The following TESC variants were observed in gnomAD, a reference collection of about 807,000 sequenced individuals.
The protein encoded by TESC is tescalcin, also known as calcineurin B homologous protein 3.
Under a neutral mutation model 31.0 loss-of-function variants are expected in TESC, and 19 were observed. That is an observed-to-expected ratio of 0.61 (90% confidence interval 0.43 to 0.90). The LOEUF is 0.90. TESC is among the 40% of genes least tolerant of loss of function. The probability of loss-of-function intolerance (pLI) is 0.00; values close to 1 mark genes in which losing one functional copy is unlikely to be tolerated. For missense variants in TESC, 248 were observed against 303.8 expected, an observed-to-expected ratio of 0.82 and a Z score of 1.36; for synonymous variants, 109 against 114.8, an observed-to-expected ratio of 0.95 and a Z score of 0.32.
chr12:117,092,293 G>C (rs1955323027), intron 1 of TESC, among the ~76,000 whole-genome samples: 1 of 152,204 alleles, frequency 6.6e-6, no homozygotes, highest in Non-Finnish European at 1.5e-5. Flanking sequence ...CAGTGCACAT[G>C]GAACGCCATC....
chr12:117,094,002 A>G (rs1051526818), intron 1 of TESC, among the ~76,000 whole-genome samples: 3 of 152,032 alleles, frequency 2.0e-5, no homozygotes, highest in Non-Finnish European at 2.9e-5. Flanking sequence ...TCAGGTGAAT[A>G]ATTCCCAAGA....
intron 1 of TESC, among the ~76,000 whole-genome samples, chr12:117,088,500 G>A (rs1955252135): frequency 6.6e-6 from 1 of 152,098 alleles, no homozygotes; most frequent in South Asian, 2.1e-4. Flanking sequence ...GGCCAACATG[G>A]CAAAACCCCG....
intron 1 of TESC, among the ~76,000 whole-genome samples, chr12:117,077,793 G>C (rs1955093403): frequency 6.6e-6 from 1 of 152,190 alleles, no homozygotes; most frequent in African/African-American, 2.4e-5. Context: ...ATGAGGAGGA[G>C]TAACTTGAAT....
chr12:117,075,903 A>ATGTGTG (rs1401695484), intron 1 of TESC, among the ~76,000 whole-genome samples: 6 of 82,762 alleles, frequency 7.2e-5, no homozygotes, highest in African/African-American at 3.3e-4. Context: ...ATATATATAT[A>ATGTGTG]TATATATATA....
chr12:117,054,676 G>A (rs2135758150), intron 3 of TESC, among the ~76,000 whole-genome samples: 1 of 152,248 alleles, frequency 6.6e-6, no homozygotes, highest in South Asian at 2.1e-4. Flanking sequence ...ACCCTGGGAG[G>A]CTCAGCACCT....
intron 3 of TESC, among the ~76,000 whole-genome samples, chr12:117,054,766 C>T (rs942766322): frequency 5.9e-5 from 9 of 152,194 alleles, no homozygotes; most frequent in African/African-American, 2.2e-4. Flanking sequence ...AGGGAAGCCC[C>T]CACGGTCTCA....
At chr12:117,062,825 GC>G (rs1167179766) in intron 2 of TESC, among the ~76,000 whole-genome samples, 1 of 152,170 alleles carries the variant, frequency 6.6e-6, no homozygotes, top group Non-Finnish European at 1.5e-5. Context: ...TAAAGGTGTC[GC>G]AGCCCAGGCT....
intron 2 of TESC, among the ~76,000 whole-genome samples, chr12:117,063,781 C>A (rs145476064): frequency 4.6e-5 from 7 of 152,304 alleles, no homozygotes; most frequent in African/African-American, 1.7e-4. Flanking sequence ...CATGTGGTGT[C>A]CCCCACAGTG....
intron 7 of TESC, 46 bp downstream of exon 7, chr12:117,041,901 G>A (rs977513404): frequency 1.8e-5 from 28 of 1,546,642 alleles, no homozygotes; most frequent in East Asian, 2.4e-5. Context: ...TGGGCCACAC[G>A]AGGTCTTCAA....
At chr12:117,070,327 A>G (rs1954949164) in intron 2 of TESC, among the ~76,000 whole-genome samples, 1 of 152,102 alleles carries the variant, frequency 6.6e-6, no homozygotes, top group Admixed American at 6.5e-5. Flanking sequence ...TGGAGGGTGG[A>G]TTAGGATTAG....
intron 3 of TESC, among the ~76,000 whole-genome samples, chr12:117,055,462 A>G (rs1254284750): frequency 6.6e-6 from 1 of 152,072 alleles, no homozygotes; most frequent in Non-Finnish European, 1.5e-5. Context: ...CATTTTAGAG[A>G]TGGTGAAACT....
intron 1 of TESC, among the ~76,000 whole-genome samples, chr12:117,096,620 C>T (rs1027887145): frequency 6.6e-6 from 1 of 152,110 alleles, no homozygotes; most frequent in Non-Finnish European, 1.5e-5. Context: ...GGTCTAACTA[C>T]TTCATGTATA....
intron 1 of TESC, among the ~76,000 whole-genome samples, chr12:117,093,008 C>G (rs1339920277): frequency 6.6e-6 from 1 of 152,144 alleles, no homozygotes; most frequent in Non-Finnish European, 1.5e-5. Context: ...CAACCTAGCC[C>G]AGAGGAAGAG....
At chr12:117,047,887 C>T (rs551112659) in intron 4 of TESC, among the ~76,000 whole-genome samples, 3 of 152,196 alleles carry the variant, frequency 2.0e-5, no homozygotes, top group Non-Finnish European at 2.9e-5. Context: ...ACCACAGGCA[C>T]GCAGCACCAC....
chr12:117,051,270 A>G (rs1157904417), intron 3 of TESC, among the ~76,000 whole-genome samples: 1 of 152,158 alleles, frequency 6.6e-6, no homozygotes, highest in East Asian at 1.9e-4. Context: ...CAGCAAATAC[A>G]CTAACACCCA....
At chr12:117,084,306 G>A (rs1565974860) in intron 1 of TESC, among the ~76,000 whole-genome samples, 1 of 152,162 alleles carries the variant, frequency 6.6e-6, no homozygotes, top group Non-Finnish European at 1.5e-5. Context: ...GAATTTCAGT[G>A]TCTCCAGGGT....
At chr12:117,092,376 C>T (rs1345833511) in intron 1 of TESC, among the ~76,000 whole-genome samples, 1 of 152,224 alleles carries the variant, frequency 6.6e-6, no homozygotes, top group Non-Finnish European at 1.5e-5. Context: ...TGAAAAATAC[C>T]AGCATGGGCT....
intron 2 of TESC, among the ~76,000 whole-genome samples, chr12:117,073,869 C>T (rs2135783196): frequency 6.6e-6 from 1 of 151,706 alleles, no homozygotes; most frequent in East Asian, 1.9e-4. Context: ...TGCTTGAGCT[C>T]AGGAGTTCAA....
intron 6 of TESC, among the ~76,000 whole-genome samples, chr12:117,045,506 G>A (rs967442464): frequency 3.3e-5 from 5 of 152,208 alleles, no homozygotes; most frequent in Admixed American, 6.5e-5. Flanking sequence ...GCCCTCTCCC[G>A]TGGTGGTTAG....
Sources: allele counts gnomAD v4.1 joint callset (sites outside exome capture counted in the v4.1 genomes callset), GRCh38; gene constraint gnomAD v4.1.1; transcripts MANE v1.5; gene names NCBI Gene and HGNC (gene_info 2026-07-23, HGNC 2026-07-21).